Variants in XRCC6 observed in about 807,000 individuals in gnomAD.
XRCC6 encodes the protein X-ray repair cross complementing 6, also known as DNA repair protein Ku70.
A neutral mutation model predicts 65.7 loss-of-function variants in XRCC6; 5 were observed. The observed-to-expected ratio is 0.08, with a 90% CI of 0.04 to 0.16. The LOEUF is 0.16. Ranked by LOEUF, XRCC6 falls within the 10% of genes least tolerant of loss-of-function variation. XRCC6 has a pLI of 1.00. For synonymous variants in XRCC6, 270 were observed against 270.6 expected (o/e 1.00, Z 0.02); for missense variants, 447 against 738.1 (o/e 0.61, Z 4.57).
At chr22:41,636,936 C>T (rs2067816394) in intron 5 of XRCC6, among the ~76,000 whole-genome samples, 166 bp downstream of exon 5, 2 of 151,502 alleles carry the variant, frequency 1.3e-5, no homozygotes, top group African/African-American at 4.9e-5. Context: ...TTCTGTGTAC[C>T]TGACTTCAGG....
chr22:41,652,765 C>T (rs1372828284), intron 8 of XRCC6, among the ~76,000 whole-genome samples: 2 of 152,140 alleles, frequency 1.3e-5, no homozygotes, highest in African/African-American at 4.8e-5. Flanking sequence ...GCTCCGCCTC[C>T]TGAATTCAAG....
chr22:41,631,911 C>T (rs574739463), intron 3 of XRCC6, among the ~76,000 whole-genome samples: 1,999 of 152,250 alleles, frequency 0.013, 41 homozygotes, highest in African/African-American at 0.045. Flanking sequence ...GGATCACTCG[C>T]GGTTAGGAGC....
chr22:41,621,765 C>T (rs2067608669), intron 1 of XRCC6: 9 of 503,136 alleles, frequency 1.8e-5, no homozygotes, highest in Non-Finnish European at 3.2e-5. Flanking sequence ...CGCGGGCCGC[C>T]GCCGGCCCTG....
At chr22:41,637,537 T>A in intron 5 of XRCC6, 71 bp from the exon 6 acceptor site, 1 of 1,340,702 alleles carries the variant, frequency 7.5e-7, no homozygotes, top group South Asian at 1.6e-5. Context: ...TGTTTCAGTT[T>A]TAACTGAAAG....
intron 7 of XRCC6, among the ~76,000 whole-genome samples, chr22:41,649,139 A>AAAATATATATATATATAT: frequency 2.6e-4 from 23 of 88,720 alleles, no homozygotes; most frequent in Non-Finnish European, 4.4e-4. Context: ...AAAAAAAAAA[A>AAAATATATATATATATAT]ATATATATAT....
chr22:41,658,321 G>C lies in XRCC6; in HGVS notation c.1491G>C (p.Leu497Phe), dbSNP rs1202005824. 6.2e-7 allele frequency: 1 copy of C among 1,613,998 alleles called. No homozygotes were observed. Among genetic ancestry groups the C allele is most frequent in the Admixed American group, 1.7e-5 (1 of 59,986 alleles). The change falls in exon 11 of 13, where the codon TTG becomes TTC. Residue 497 changes from leucine (L) to phenylalanine (F), a missense_variant. Leu to Phe is a conservative substitution (Grantham distance 22). Coordinates refer to ENST00000360079, the MANE Select transcript of XRCC6 (RefSeq NM_001469.5). Reference protein sequence around the residue: ...FRNLEALALDLMEPEQAVDLT... With the variant: ...FRNLEALALDFMEPEQAVDLT... Reference sequence around the variant, plus strand: ...ACCTGGAGGCCTTGGCCTTGGATTTGATGGAGCCGGAACAAGCAGTGGACC... The same window carrying C: ...ACCTGGAGGCCTTGGCCTTGGATTTCATGGAGCCGGAACAAGCAGTGGACC...
intron 2 of XRCC6, among the ~76,000 whole-genome samples, chr22:41,626,887 G>A (rs974043237): frequency 3.3e-5 from 5 of 151,882 alleles, no homozygotes; most frequent in Non-Finnish European, 7.4e-5. Context: ...TGATCCGCGC[G>A]CCTCGGCCTC....
At chr22:41,630,234 G>A (rs981862094) in intron 3 of XRCC6, among the ~76,000 whole-genome samples, 1 of 151,772 alleles carries the variant, frequency 6.6e-6, no homozygotes, top group East Asian at 1.9e-4. Flanking sequence ...TGCTCGCCTC[G>A]GCCTTCCAAA....
intron 2 of XRCC6, among the ~76,000 whole-genome samples, chr22:41,625,775 G>A (rs1003980293): frequency 6.6e-6 from 1 of 152,220 alleles, no homozygotes; most frequent in East Asian, 1.9e-4. Flanking sequence ...GCTGCAGTGA[G>A]CTATGATTGC....
intron 9 of XRCC6, 107 bp from the exon 10 acceptor site, chr22:41,656,796 G>T (rs1432298263): frequency 2.6e-6 from 4 of 1,519,604 alleles, no homozygotes; most frequent in Admixed American, 2.1e-5. Flanking sequence ...GGCCTACGGG[G>T]CCCCAGCCCC....
intron 9 of XRCC6, 96 bp from the exon 10 acceptor site, chr22:41,656,807 A>G (rs2068049145): frequency 1.3e-6 from 2 of 1,565,084 alleles, no homozygotes; most frequent in African/African-American, 1.4e-5. Flanking sequence ...CCCCAGCCCC[A>G]GCACCACAGG....
In XRCC6 at chr22:41,639,173, C is replaced by T. The variant is rs142984859; in HGVS notation, c.773+1382C>T. On this transcript the variant is annotated intron_variant, in intron 6 of 12. Transcript: ENST00000360079. Reference sequence around the variant, plus strand: ...AAATTGGTGACAACAATACCTGCCTCATTAGGTTACTGTGAAGAGTTAGTG... The same window carrying T: ...AAATTGGTGACAACAATACCTGCCTTATTAGGTTACTGTGAAGAGTTAGTG... Among the ~76,000 whole-genome samples the T allele has an allele frequency of 3.3e-5, 5 of 152,158 alleles. No individual in the cohort carries two copies. In the East Asian group the frequency reaches 9.6e-4, roughly 29 times the overall value.
intron 7 of XRCC6, among the ~76,000 whole-genome samples, chr22:41,647,301 G>A (rs920669367): frequency 6.6e-6 from 1 of 152,084 alleles, no homozygotes; most frequent in Non-Finnish European, 1.5e-5. Context: ...AGACTGGATC[G>A]ACTGGGCACA....
chr22:41,633,440 G>T (rs1466491141), intron 3 of XRCC6, among the ~76,000 whole-genome samples: 2 of 151,148 alleles, frequency 1.3e-5, no homozygotes, highest in Non-Finnish European at 3.0e-5. Flanking sequence ...TGCTGCCCTG[G>T]CTCTTGGCTC....
intron 6 of XRCC6, among the ~76,000 whole-genome samples, chr22:41,640,642 T>C (rs1023264555): frequency 2.0e-5 from 3 of 152,210 alleles, no homozygotes; most frequent in Admixed American, 6.5e-5. Context: ...CCCAAGAAAT[T>C]TTTTTGAGGA....
At chr22:41,658,144 GTT>G in intron 10 of XRCC6, 106 bp from the exon 11 acceptor site, 1 of 1,104,762 alleles carries the variant, frequency 9.1e-7, no homozygotes, top group Non-Finnish European at 1.3e-6. Context: ...TACTTGGGGT[GTT>G]TTTCTCAGCT....
rs1569091569 is a variant in XRCC6, at chr22:41,647,087, G to A, written c.960+5G>A. 1 of 1,612,970 alleles carries A rather than the reference G, an allele frequency of 6.2e-7. No homozygotes were observed. On this transcript the variant is annotated splice_donor_5th_base_variant and intron_variant, in intron 7 of 12. Transcript: ENST00000360079. ...AGCGATACCAAGAGGTCTCAGGTAGGTAGAGATGCCTTTTGTTGTTGTTGT... is the reference window on the plus strand; with the variant it reads ...AGCGATACCAAGAGGTCTCAGGTAGATAGAGATGCCTTTTGTTGTTGTTGT...
chr22:41,662,185 T>C (rs1000039395), intron 12 of XRCC6, among the ~76,000 whole-genome samples: 7 of 152,160 alleles, frequency 4.6e-5, no homozygotes, highest in African/African-American at 1.7e-4. Context: ...TCTAATTTAA[T>C]TGTACATTTA....
intron 6 of XRCC6, among the ~76,000 whole-genome samples, chr22:41,639,504 TTTTTTA>T (rs537993830): frequency 1.1e-3 from 162 of 150,410 alleles, no homozygotes; most frequent in African/African-American, 3.7e-3. Context: ...CTGCTGATTA[TTTTTTA>T]TTTTTATTTT....
Sources: allele counts gnomAD v4.1 joint callset (sites outside exome capture counted in the v4.1 genomes callset), GRCh38; gene constraint gnomAD v4.1.1; transcripts MANE v1.5; gene names NCBI Gene and HGNC (gene_info 2026-07-23, HGNC 2026-07-21).